CYREN: variants seen among roughly 807,000 people sequenced by gnomAD.
CYREN encodes the protein cell cycle regulator of NHEJ.
A neutral mutation model predicts 9.7 loss-of-function variants in CYREN; 7 were observed. That is an observed-to-expected ratio of 0.72 (90% CI 0.41 to 1.36). The LOEUF is 1.36. Among genes scored for constraint, CYREN ranks in the 40% most tolerant of loss-of-function variants. The pLI, the probability that CYREN is intolerant of heterozygous loss-of-function variation, is 0.01. For missense variants in CYREN, 215 were observed against 198.1 expected, an observed-to-expected ratio of 1.09 and a Z score of -0.51; for synonymous variants, 76 against 77.9, an observed-to-expected ratio of 0.98 and a Z score of 0.13.
intron 2 of CYREN, among the ~76,000 whole-genome samples, chr7:135,116,767 C>T (rs1826376807): frequency 6.6e-6 from 1 of 152,146 alleles, no homozygotes; most frequent in South Asian, 2.1e-4. Flanking sequence ...AGTGAGGGCA[C>T]TGTTTATCTG....
At chr7:135,167,334 A>T (rs1313715745) in intron 3 of CYREN, 5 of 1,078,702 alleles carry the variant, frequency 4.6e-6, no homozygotes, top group Non-Finnish European at 5.6e-6. Context: ...TTATTACTGC[A>T]GGAAGCTAGG....
At chr7:135,152,359 C>T (rs2348286) in intron 2 of CYREN, among the ~76,000 whole-genome samples, 73,758 of 151,996 alleles carry the variant, frequency 0.49, 18,260 homozygotes, top group South Asian at 0.66. Flanking sequence ...AGTTAATGCA[C>T]GTAAAGGGCC....
At chr7:135,119,659 C>T (rs112279849) in intron 2 of CYREN, among the ~76,000 whole-genome samples, 13 of 152,056 alleles carry the variant, frequency 8.5e-5, no homozygotes, top group African/African-American at 2.9e-4. Context: ...GGGCAGATCA[C>T]GAGTTCAGGA....
Position 135,128,846 on chromosome 7 carries a change from A to G in CYREN, n.357-34264T>C. On this transcript the variant is annotated intron_variant and non_coding_transcript_variant, in intron 2 of 2. Coordinates refer to the CYREN transcript ENST00000459937. ...ACAGCTGTGTGCAGGATGTGGAATC[A>G]TTGTTAAATATGATCCAGGAAATCT... 3.3e-6 allele frequency: 4 copies of G among 1,200,478 alleles called. No individual in the cohort carries two copies. In the South Asian group the frequency reaches 4.9e-5, roughly 15 times the overall value. The allele number at this position is 1,200,478 out of a possible 1,614,324, so 74.4% of individuals were successfully genotyped here.
chr7:135,098,616 G>A (rs940000897), intron 2 of CYREN, among the ~76,000 whole-genome samples: 1 of 152,176 alleles, frequency 6.6e-6, no homozygotes, highest in South Asian at 2.1e-4. Context: ...ACCAGGAGCA[G>A]TGTAATGTGG....
chr7:135,113,748 G>A (rs991268247), intron 2 of CYREN, among the ~76,000 whole-genome samples: 8 of 152,160 alleles, frequency 5.3e-5, no homozygotes, highest in Non-Finnish European at 1.2e-4. Context: ...GCATTGTGGT[G>A]CAATCTCCAG....
intron 2 of CYREN, among the ~76,000 whole-genome samples, chr7:135,133,866 T>C (rs959462786): frequency 1.3e-5 from 2 of 152,072 alleles, no homozygotes; most frequent in African/African-American, 2.4e-5. Flanking sequence ...CTATGGTACA[T>C]TCATGTCACA....
chr7:135,108,204 C>A (rs1459814845), intron 2 of CYREN, among the ~76,000 whole-genome samples: 4 of 152,168 alleles, frequency 2.6e-5, no homozygotes, highest in African/African-American at 9.6e-5. Context: ...GGGCATTTAG[C>A]CCATTTACAT....
At chr7:135,153,962 T>C (rs76971939) in intron 2 of CYREN, among the ~76,000 whole-genome samples, 317 of 152,310 alleles carry the variant, frequency 2.1e-3, no homozygotes, top group Non-Finnish European at 3.2e-3. Context: ...TGAATACATC[T>C]AGTCTTAAGC....
intron 2 of CYREN, among the ~76,000 whole-genome samples, chr7:135,144,060 A>G (rs1397211650): frequency 6.6e-6 from 1 of 152,188 alleles, no homozygotes; most frequent in East Asian, 1.9e-4. Context: ...ACCGCTGTGA[A>G]GCAGAAACAA....
chr7:135,167,252 A>T (rs184457971), intron 3 of CYREN: 1 of 1,085,126 alleles, frequency 9.2e-7, no homozygotes, highest in African/African-American at 1.6e-5. Context: ...TTGCAAGGCT[A>T]AAATGACATA....
chr7:135,162,696 C>T (rs1038290072), downstream of CYREN, among the ~76,000 whole-genome samples: 1 of 152,214 alleles, frequency 6.6e-6, no homozygotes, highest in Non-Finnish European at 1.5e-5. Flanking sequence ...CACTGGGTCC[C>T]TCCCACAATG....
intron 2 of CYREN, among the ~76,000 whole-genome samples, chr7:135,137,002 C>T (rs762008945): frequency 6.6e-6 from 1 of 152,046 alleles, no homozygotes; most frequent in Non-Finnish European, 1.5e-5. Flanking sequence ...GCCACTCTCT[C>T]ATAAAAGCTA....
rs1373220057 is a variant in CYREN at position 135,147,780 on chromosome 7, T to C, written n.356+20969A>G. 2.4e-5 allele frequency: 11 copies of C among 456,146 alleles called. No homozygotes were observed. In the Admixed American group the frequency reaches 2.6e-4, roughly 11 times the overall value. The allele number at this position is 456,146 out of a possible 1,614,324, so 28.3% of individuals were successfully genotyped here. A position where few individuals can be genotyped will look rare whatever the true frequency, so the allele number is the denominator to read the frequency against. On this transcript the variant is annotated intron_variant and non_coding_transcript_variant, in intron 2 of 2. Coordinates refer to the CYREN transcript ENST00000459937. ...CCAGATGATCCTGATGGGTTTCTTC[T>C]GAATAAAATTCCGGGTTGTGTTTAT... is the stretch of plus-strand genomic sequence containing the variant.
chr7:135,164,353 G>A, downstream of CYREN: 2 of 1,304,138 alleles, frequency 1.5e-6, no homozygotes, highest in Non-Finnish European at 2.1e-6. Flanking sequence ...GGGAGAACAT[G>A]AGCTTGTCTG....
chr7:135,166,509 CAG>C lies in CYREN; in HGVS notation c.*100_*101del. ...CCAAGAAGGCACAAAGGTAGGAGCA[CAG>C]AGAGCCCCATTCCCACAGGCGGGCG... On this transcript the variant is annotated 3_prime_UTR_variant, in exon 4 of 4. Transcript: ENST00000393114. 6.7e-7 allele frequency: 1 copy of C among 1,498,092 alleles called. No individual in the cohort carries two copies. Among genetic ancestry groups the C allele is most frequent in the Non-Finnish European group, 8.9e-7 (1 of 1,129,494 alleles). 92.8% of individuals were successfully genotyped at this position (1,498,092 alleles called of 1,614,324 possible). A position where few individuals can be genotyped will look rare whatever the true frequency, so the allele number is the denominator to read the frequency against.
chr7:135,138,758 A>G (rs189195430), intron 2 of CYREN, among the ~76,000 whole-genome samples: 48 of 151,938 alleles, frequency 3.2e-4, no homozygotes, highest in African/African-American at 1.1e-3. Flanking sequence ...CTTCACCCTC[A>G]AGTAGGCCCT....
chr7:135,135,307 T>C (rs1397829860), intron 2 of CYREN: 2 of 1,407,970 alleles, frequency 1.4e-6, no homozygotes, highest in Non-Finnish European at 1.9e-6. Context: ...GGATAACATA[T>C]GCTTATGTAG....
intron 2 of CYREN, among the ~76,000 whole-genome samples, chr7:135,140,392 T>A (rs902616091): frequency 2.7e-5 from 4 of 147,696 alleles, no homozygotes; most frequent in Non-Finnish European, 4.5e-5. Context: ...AGAATGCTAT[T>A]GATTTTTGTA....
Sources: allele counts gnomAD v4.1 joint callset (sites outside exome capture counted in the v4.1 genomes callset), GRCh38; gene constraint gnomAD v4.1.1; transcripts MANE v1.5; gene names NCBI Gene and HGNC (gene_info 2026-07-23, HGNC 2026-07-21).